WWOX: variants seen among roughly 807,000 people sequenced by gnomAD.
WWOX encodes WW domain-containing oxidoreductase.
Under a neutral mutation model 46.2 loss-of-function variants are expected in WWOX, and 69 were observed. The ratio of observed to expected loss-of-function variants is 1.49; its 90% CI spans 1.23 to 1.82. The LOEUF (loss-of-function observed/expected upper bound fraction) is 1.82. Ranked by LOEUF, WWOX falls within the 40% of genes most tolerant of loss-of-function variation. WWOX has a pLI of 0.00. For synonymous variants in WWOX, 359 were observed against 202.6 expected, an observed-to-expected ratio of 1.77 and a Z score of -6.56; for missense variants, 919 against 542.6, an observed-to-expected ratio of 1.69 and a Z score of -6.89.
At chr16:78,853,148 C>A (rs1206144725) in intron 8 of WWOX, among the ~76,000 whole-genome samples, 1 of 152,172 alleles carries the variant, frequency 6.6e-6, no homozygotes, top group African/African-American at 2.4e-5. Context: ...TACGTTATAA[C>A]AATATGTTAA....
intron 8 of WWOX, among the ~76,000 whole-genome samples, chr16:78,483,557 G>A (rs1044474562): frequency 6.6e-6 from 1 of 151,910 alleles, no homozygotes; most frequent in African/African-American, 2.4e-5. Context: ...GCCTTTCCCA[G>A]TGGTGCTGTA....
chr16:78,643,428 C>G (rs1021764238), intron 8 of WWOX, among the ~76,000 whole-genome samples: 1 of 152,156 alleles, frequency 6.6e-6, no homozygotes, highest in Admixed American at 6.5e-5. Flanking sequence ...GAACCCCTGT[C>G]TCTGTGTCTC....
chr16:78,630,878 C>G (rs975503190), intron 8 of WWOX, among the ~76,000 whole-genome samples: 3 of 117,966 alleles, frequency 2.5e-5, no homozygotes, highest in Non-Finnish European at 6.4e-5. Flanking sequence ...TGCAGTCAGC[C>G]CCCCTCTCTC....
intron 8 of WWOX, among the ~76,000 whole-genome samples, chr16:78,567,195 C>T (rs537629600): frequency 1.3e-5 from 2 of 152,306 alleles, no homozygotes; most frequent in East Asian, 1.9e-4. Flanking sequence ...CCATCATGTC[C>T]TGACGCTTTC....
At chr16:78,774,823 C>A (rs1216721777) in intron 8 of WWOX, among the ~76,000 whole-genome samples, 1 of 152,140 alleles carries the variant, frequency 6.6e-6, no homozygotes, top group Non-Finnish European at 1.5e-5. Context: ...AGATCTTGTG[C>A]TTCCTATCAC....
At chr16:78,642,989 A>T (rs1247789328) in intron 8 of WWOX, among the ~76,000 whole-genome samples, 1 of 152,172 alleles carries the variant, frequency 6.6e-6, no homozygotes, top group African/African-American at 2.4e-5. Context: ...AAATCAGTTC[A>T]TGGAGATGAA....
At chr16:78,659,097 A>AAAC (rs2047149831) in intron 8 of WWOX, among the ~76,000 whole-genome samples, 4 of 150,138 alleles carry the variant, frequency 2.7e-5, no homozygotes, top group African/African-American at 9.9e-5. Flanking sequence ...GTCTCAAAAA[A>AAAC]AAACAAACAA....
intron 8 of WWOX, among the ~76,000 whole-genome samples, chr16:78,867,807 C>A (rs931032593): frequency 6.6e-6 from 1 of 152,108 alleles, no homozygotes; most frequent in Non-Finnish European, 1.5e-5. Context: ...CTGACCTCAT[C>A]GCTGCCACTG....
intron 5 of WWOX, among the ~76,000 whole-genome samples, chr16:78,271,457 A>G (rs138337634): frequency 1.7e-3 from 260 of 152,362 alleles, no homozygotes; most frequent in African/African-American, 6.1e-3. Flanking sequence ...CAGCATTGGA[A>G]TATCACTGGG....
Position 78,917,383 on chromosome 16 carries a change from G to A in WWOX, c.1057-294225G>A, listed in dbSNP as rs142192011. Among the ~76,000 whole-genome samples the A allele has an allele frequency of 2.8e-3, 432 of 152,210 alleles. 2 individuals carry two copies. The highest frequency in any genetic ancestry group is 0.01 in the African/African-American group (421 of 41,534). ...ATACCTCTAGATGCTTATAATTCCT[G>A]TTGCAGCCTTAGTCAGTGGGAGCCA... On this transcript the variant is annotated intron_variant, in intron 8 of 8. Coordinates refer to ENST00000566780, the MANE Select transcript of WWOX (RefSeq NM_016373.4).
intron 8 of WWOX, among the ~76,000 whole-genome samples, chr16:78,772,724 A>G (rs1207448710): frequency 6.6e-6 from 1 of 152,140 alleles, no homozygotes; most frequent in African/African-American, 2.4e-5. Flanking sequence ...GGCTCAAAGA[A>G]CCTAGGTAAG....
rs869088414 is a variant in WWOX at position 78,994,969 on chromosome 16, C to CTTTTTTTTTT, written c.1057-216629_1057-216620dup. Among the ~76,000 whole-genome samples, 171 of 114,622 alleles carry CTTTTTTTTTT rather than the reference C, an allele frequency of 1.5e-3. 1 individual carries two copies. Among genetic ancestry groups the CTTTTTTTTTT allele is most frequent in the Non-Finnish European group, 2.0e-3 (118 of 58,786 alleles). 75.2% of individuals were successfully genotyped at this position (114,622 alleles called of 152,430 possible). On this transcript the variant is annotated intron_variant, in intron 8 of 8. Transcript: ENST00000566780. ...TCTTTCTTTTCTTCTTCTTCTTCTT[C>CTTTTTTTTTT]TTTTTTTTTTTTTTTTTTTGTTTTT...
chr16:78,839,370 C>G (rs1443266217), intron 8 of WWOX, among the ~76,000 whole-genome samples: 1 of 152,070 alleles, frequency 6.6e-6, no homozygotes, highest in Non-Finnish European at 1.5e-5. Flanking sequence ...TTCATGTCCT[C>G]AGAGAGGTCC....
Position 78,935,124 on chromosome 16 carries a change from A to G in WWOX, c.1057-276484A>G, listed in dbSNP as rs1038836143. Among the ~76,000 whole-genome samples the G allele has an allele frequency of 1.2e-3, 187 of 152,294 alleles. 1 individual carries two copies. The highest frequency in any genetic ancestry group is 4.2e-3 in the African/African-American group (173 of 41,566). On this transcript the variant is annotated intron_variant, in intron 8 of 8. Coordinates refer to ENST00000566780, the MANE Select transcript of WWOX (RefSeq NM_016373.4). ...AAAAAACAGGTCCTGGAGAGGATGT[A>G]GAGAAATAGGAACACTTTTACACTG...
intron 8 of WWOX, among the ~76,000 whole-genome samples, chr16:79,080,004 C>A (rs1262679494): frequency 6.6e-6 from 1 of 152,174 alleles, no homozygotes; most frequent in Non-Finnish European, 1.5e-5. Context: ...ATATTTATTT[C>A]TTACGATACC....
At chr16:78,560,489 C>A (rs1408424825) in intron 8 of WWOX, among the ~76,000 whole-genome samples, 4 of 152,016 alleles carry the variant, frequency 2.6e-5, no homozygotes, top group African/African-American at 7.2e-5. Context: ...ACTAAAAATA[C>A]AAAAATTAGC....
intron 8 of WWOX, among the ~76,000 whole-genome samples, chr16:78,581,214 C>T (rs1227850608): frequency 6.6e-6 from 1 of 152,006 alleles, no homozygotes. Context: ...ACATATGGTC[C>T]TTTGAACTAA....
intron 8 of WWOX, among the ~76,000 whole-genome samples, chr16:78,843,772 C>G (rs2052224368): frequency 6.6e-6 from 1 of 152,106 alleles, no homozygotes; most frequent in South Asian, 2.1e-4. Context: ...TAGCCAGAGC[C>G]AAAAGCAATT....
At chr16:78,694,746 T>C (rs1330654025) in intron 8 of WWOX, among the ~76,000 whole-genome samples, 1 of 152,222 alleles carries the variant, frequency 6.6e-6, no homozygotes, top group Non-Finnish European at 1.5e-5. Context: ...AAGAACGCTT[T>C]ATTGGAATAT....
Sources: allele counts gnomAD v4.1 joint callset (sites outside exome capture counted in the v4.1 genomes callset), GRCh38; gene constraint gnomAD v4.1.1; transcripts MANE v1.5; gene names NCBI Gene and HGNC (gene_info 2026-07-23, HGNC 2026-07-21).